ACSM3: variants seen among roughly 807,000 people sequenced by gnomAD.
The protein encoded by ACSM3 is acyl-coenzyme A synthetase ACSM3, mitochondrial.
Under a neutral mutation model 74.1 loss-of-function variants are expected in ACSM3, and 61 were observed. That is an observed-to-expected ratio of 0.82 (90% confidence interval 0.67 to 1.02). ACSM3 has a LOEUF of 1.02. Ranked by LOEUF, ACSM3 falls within the 50% of genes least tolerant of loss-of-function variation. The pLI, the probability that ACSM3 is intolerant of heterozygous loss-of-function variation, is 0.00. For missense variants in ACSM3, 660 were observed against 697.0 expected (o/e 0.95, Z 0.60); for synonymous variants, 213 against 241.5 (o/e 0.88, Z 1.09).
intron 1 of ACSM3, among the ~76,000 whole-genome samples, chr16:20,698,022 G>A: frequency 6.6e-6 from 1 of 151,764 alleles, no homozygotes; most frequent in South Asian, 2.1e-4. Context: ...GTGAAACCCC[G>A]TCTCTACTAA....
intron 1 of ACSM3, chr16:20,711,336 A>C (rs2043459318): frequency 2.6e-6 from 1 of 385,456 alleles, no homozygotes. Flanking sequence ...CTTGTACAAT[A>C]TCATTGGAGA....
chr16:20,789,442 G>C (rs778256001), intron 9 of ACSM3: 8 of 1,445,704 alleles, frequency 5.5e-6, no homozygotes, highest in South Asian at 1.1e-5. Flanking sequence ...ATGAGGATTG[G>C]AGAGAGGGTA....
chr16:20,685,032 C>T (rs991320134), intron 1 of ACSM3, among the ~76,000 whole-genome samples: 4 of 152,196 alleles, frequency 2.6e-5, no homozygotes, highest in East Asian at 1.9e-4. Context: ...TGATAATTCC[C>T]ACAGGGCAGG....
At chr16:20,718,430 G>C in intron 1 of ACSM3, 1 of 686,556 alleles carries the variant, frequency 1.5e-6, no homozygotes, top group East Asian at 3.6e-5. Context: ...GGGACGACAG[G>C]CTCTCCTAAG....
chr16:20,767,727 C>T (rs1163731766), intron 1 of ACSM3, among the ~76,000 whole-genome samples: 1 of 152,160 alleles, frequency 6.6e-6, no homozygotes, highest in Non-Finnish European at 1.5e-5. Context: ...AGGAACATAA[C>T]AGACAAGGCC....
At chr16:20,755,023 G>A (rs984759512) in intron 2 of ACSM3, among the ~76,000 whole-genome samples, 2 of 152,118 alleles carry the variant, frequency 1.3e-5, no homozygotes, top group Non-Finnish European at 2.9e-5. Context: ...ACAGGCCAGT[G>A]TCCATAGAGA....
At chr16:20,791,667 C>T (rs547212046) in intron 10 of ACSM3, among the ~76,000 whole-genome samples, 8 of 152,298 alleles carry the variant, frequency 5.3e-5, no homozygotes, top group Admixed American at 4.6e-4. Flanking sequence ...TGGCTTATGC[C>T]TGTAATCTCA....
intron 1 of ACSM3, among the ~76,000 whole-genome samples, chr16:20,714,157 G>A (rs1234175260): frequency 6.6e-6 from 1 of 151,910 alleles, no homozygotes; most frequent in African/African-American, 2.4e-5. Flanking sequence ...ATCTTGAGGG[G>A]GTCAAGATGG....
At chr16:20,728,447 A>C in intron 1 of ACSM3, 1 of 1,384,822 alleles carries the variant, frequency 7.2e-7, no homozygotes, top group Non-Finnish European at 1.0e-6. Flanking sequence ...TTGCCCTCAG[A>C]CTAAAGTCTA....
At chr16:20,782,732 G>A (rs2080380225) in intron 7 of ACSM3, among the ~76,000 whole-genome samples, 1 of 152,198 alleles carries the variant, frequency 6.6e-6, no homozygotes, top group Non-Finnish European at 1.5e-5. Context: ...CAAATCAGAG[G>A]TTCCCATGAC....
intron 1 of ACSM3, chr16:20,691,255 C>T: frequency 2.2e-6 from 3 of 1,340,858 alleles, no homozygotes; most frequent in Non-Finnish European, 3.0e-6. Flanking sequence ...GAAGAGATGG[C>T]TAATAGATTG....
upstream of ACSM3, among the ~76,000 whole-genome samples, chr16:20,760,145 T>C (rs1187027491): frequency 6.6e-6 from 1 of 152,174 alleles, no homozygotes; most frequent in Admixed American, 6.5e-5. Context: ...AATTCTAAAA[T>C]GACTCTAGTA....
At chr16:20,684,797 G>A (rs1372855576) in intron 1 of ACSM3, among the ~76,000 whole-genome samples, 1 of 152,078 alleles carries the variant, frequency 6.6e-6, no homozygotes, top group East Asian at 1.9e-4. Flanking sequence ...CATTATCAAT[G>A]AATCTTTAAA....
intron 12 of ACSM3, 63 bp downstream of exon 12, chr16:20,792,398 A>G: frequency 6.3e-7 from 1 of 1,595,220 alleles, no homozygotes; most frequent in Non-Finnish European, 8.6e-7. Context: ...ACTTACAAAC[A>G]GTAGCTCAGT....
chr16:20,732,538 C>T (rs559794575), intron 1 of ACSM3, among the ~76,000 whole-genome samples: 2 of 152,230 alleles, frequency 1.3e-5, no homozygotes, highest in South Asian at 4.1e-4. Context: ...CTCCAATCTC[C>T]AGGGTCCAGC....
At chr16:20,782,387 TC>T (rs2080371334) in intron 7 of ACSM3, among the ~76,000 whole-genome samples, 1 of 152,134 alleles carries the variant, frequency 6.6e-6, no homozygotes, top group East Asian at 1.9e-4. Context: ...CTTTTATCCC[TC>T]ACCCACCTCC....
At chr16:20,683,182 A>G (rs943704986) in intron 1 of ACSM3, among the ~76,000 whole-genome samples, 2 of 151,510 alleles carry the variant, frequency 1.3e-5, no homozygotes, top group Non-Finnish European at 2.9e-5. Flanking sequence ...CAGTGGTGTG[A>G]TCTGAGCTCA....
intron 7 of ACSM3, among the ~76,000 whole-genome samples, chr16:20,783,803 C>A (rs1299663078): frequency 6.4e-5 from 7 of 109,762 alleles, no homozygotes; most frequent in Non-Finnish European, 1.3e-4. Context: ...ATGTGTTCTC[C>A]CCGTCTCAAT....
chr16:20,779,771 C>CTT (rs58558409), intron 4 of ACSM3: 19 of 141,662 alleles, frequency 1.3e-4, no homozygotes, highest in South Asian at 3.8e-4. Flanking sequence ...GGTCAGCAAA[C>CTT]TTTTTTTTTT....
Sources: gnomAD v4.1 joint callset for allele counts (sites outside exome capture counted in the v4.1 genomes callset) on GRCh38, gnomAD v4.1.1 for gene constraint, MANE v1.5 for transcripts, NCBI Gene and HGNC (gene_info 2026-07-23, HGNC 2026-07-21) for gene names.